SEMA3A: variants seen among roughly 807,000 people sequenced by gnomAD.
The protein encoded by SEMA3A is semaphorin 3A.
SEMA3A carries 29 observed loss-of-function variants against 97.9 expected under a neutral mutation model. The observed-to-expected ratio is 0.30, with a 90% confidence interval of 0.22 to 0.40. The LOEUF (loss-of-function observed/expected upper bound fraction) is 0.40. Among genes scored for constraint, SEMA3A ranks in the 10% least tolerant of loss-of-function variants. The pLI is 1.00. For missense variants in SEMA3A, 763 were observed against 951.3 expected (o/e 0.80, Z 2.60); for synonymous variants, 321 against 323.7 (o/e 0.99, Z 0.09).
chr7:84,164,634 A>C (rs1475227703), intron 1 of SEMA3A, among the ~76,000 whole-genome samples: 1 of 152,170 alleles, frequency 6.6e-6, no homozygotes, highest in Non-Finnish European at 1.5e-5. Context: ...GGTAGATATT[A>C]TTATTATTTC....
intron 2 of SEMA3A, among the ~76,000 whole-genome samples, chr7:84,360,786 C>T (rs1393926582): frequency 6.6e-6 from 1 of 151,850 alleles, no homozygotes; most frequent in Non-Finnish European, 1.5e-5. Context: ...TTAAAACCTA[C>T]ATTTTTTATT....
chr7:84,471,022 G>C (rs1047159341), intron 1 of SEMA3A, among the ~76,000 whole-genome samples: 6 of 152,028 alleles, frequency 3.9e-5, no homozygotes, highest in African/African-American at 1.4e-4. Context: ...TTTCCAAAAA[G>C]CAAATACACT....
intron 2 of SEMA3A, among the ~76,000 whole-genome samples, chr7:84,131,459 C>T (rs1259774571): frequency 6.6e-6 from 1 of 152,144 alleles, no homozygotes; most frequent in Non-Finnish European, 1.5e-5. Context: ...GGCCCACTTA[C>T]ACATGTTATA....
intron 1 of SEMA3A, among the ~76,000 whole-genome samples, chr7:84,394,810 A>T (rs963211430): frequency 5.9e-5 from 9 of 152,184 alleles, no homozygotes; most frequent in African/African-American, 1.9e-4. Flanking sequence ...TAAAAGAGCT[A>T]CATAAAATGT....
intron 2 of SEMA3A, among the ~76,000 whole-genome samples, chr7:84,357,706 G>A (rs902628938): frequency 5.3e-5 from 8 of 151,718 alleles, no homozygotes; most frequent in African/African-American, 1.9e-4. Context: ...CTGAGGAATC[G>A]CCACACTGTC....
At chr7:84,450,769 G>A (rs1805534861) in intron 1 of SEMA3A, among the ~76,000 whole-genome samples, 1 of 152,210 alleles carries the variant, frequency 6.6e-6, no homozygotes, top group South Asian at 2.1e-4. Context: ...TCGTGATGTT[G>A]AACATCTTTT....
At chr7:84,382,724 A>C (rs1360248147) in intron 1 of SEMA3A, among the ~76,000 whole-genome samples, 5 of 140,790 alleles carry the variant, frequency 3.6e-5, no homozygotes, top group Admixed American at 2.1e-4. Flanking sequence ...AAAAAAAAAA[A>C]AAAAATAGCC....
At chr7:84,255,982 A>G (rs1198378529) in intron 3 of SEMA3A, among the ~76,000 whole-genome samples, 1 of 151,646 alleles carries the variant, frequency 6.6e-6, no homozygotes, top group African/African-American at 2.4e-5. Context: ...ATAAAATATA[A>G]TATATAATTA....
intron 1 of SEMA3A, among the ~76,000 whole-genome samples, chr7:84,436,540 CTTTCTTT>C (rs1268275419): frequency 2.0e-5 from 3 of 152,100 alleles, no homozygotes; most frequent in African/African-American, 7.2e-5. Context: ...GGGCCAAAGT[CTTTCTTT>C]TATTCTTTGT....
chr7:84,139,096 C>T (rs2116063695), intron 1 of SEMA3A, among the ~76,000 whole-genome samples: 1 of 152,180 alleles, frequency 6.6e-6, no homozygotes, highest in African/African-American at 2.4e-5. Flanking sequence ...ATGTATCTTA[C>T]AATGACATAA....
intron 1 of SEMA3A, among the ~76,000 whole-genome samples, chr7:84,432,892 T>C (rs1805021533): frequency 6.6e-6 from 1 of 151,614 alleles, no homozygotes; most frequent in Non-Finnish European, 1.5e-5. Context: ...AACAATTTAT[T>C]TTCTTTAGGG....
At chr7:83,963,715 GTATTA>G (rs2116256650) in intron 15 of SEMA3A, among the ~76,000 whole-genome samples, 1 of 152,206 alleles carries the variant, frequency 6.6e-6, no homozygotes, top group East Asian at 1.9e-4. Flanking sequence ...GGGCCAGTTT[GTATTA>G]TATTATTCTG....
At chr7:84,203,372 C>A (rs534144875) in intron 3 of SEMA3A, among the ~76,000 whole-genome samples, 1 of 149,854 alleles carries the variant, frequency 6.7e-6, no homozygotes, top group African/African-American at 2.4e-5. Flanking sequence ...GAATTTGGCA[C>A]AGAATAAAGC....
chr7:84,424,500 T>A (rs1276908576), intron 1 of SEMA3A, among the ~76,000 whole-genome samples: 1 of 101,660 alleles, frequency 9.8e-6, no homozygotes, highest in Non-Finnish European at 1.7e-5. Context: ...ATATAATATA[T>A]AATATATAAA....
At chr7:84,321,667 G>A (rs1801646991) in intron 2 of SEMA3A, among the ~76,000 whole-genome samples, 2 of 151,872 alleles carry the variant, frequency 1.3e-5, no homozygotes, top group Admixed American at 1.3e-4. Flanking sequence ...ATGGGGTCAG[G>A]AGATCGAAAC....
intron 6 of SEMA3A, among the ~76,000 whole-genome samples, chr7:84,022,967 G>C (rs1379671191): frequency 6.6e-6 from 1 of 152,098 alleles, no homozygotes; most frequent in African/African-American, 2.4e-5. Context: ...AGCAATAAAC[G>C]CTGAGTAAAT....
At chr7:84,000,739 A>G (rs566417169) in intron 12 of SEMA3A, among the ~76,000 whole-genome samples, 1 of 152,306 alleles carries the variant, frequency 6.6e-6, no homozygotes, top group African/African-American at 2.4e-5. Context: ...CTATGCTACA[A>G]TTCACCAGTT....
Position 84,364,693 on chromosome 7 carries a change from T to C in SEMA3A, c.-169+7131A>G, listed in dbSNP as rs75962052. Reference sequence around the variant, plus strand: ...CACTTTATTTCAATTAATTATAGATTAGAGGCAAAATTTATTTTATAAGAA... The same window carrying C: ...CACTTTATTTCAATTAATTATAGATCAGAGGCAAAATTTATTTTATAAGAA... On this transcript the variant is annotated intron_variant, in intron 2 of 3. Coordinates refer to the SEMA3A transcript ENST00000424555. Among the ~76,000 whole-genome samples the C allele has an allele frequency of 2.5e-3, 387 of 151,802 alleles. 13 individuals are homozygous for C. The East Asian group carries it at 0.057, about 22-fold the overall frequency.
chr7:84,380,564 G>T (rs888798697), intron 1 of SEMA3A, among the ~76,000 whole-genome samples: 1 of 152,120 alleles, frequency 6.6e-6, no homozygotes, highest in African/African-American at 2.4e-5. Context: ...TTCAAGAAAA[G>T]TGAATGGAGT....
Sources: allele counts gnomAD v4.1 joint callset (sites outside exome capture counted in the v4.1 genomes callset), GRCh38; gene constraint gnomAD v4.1.1; transcripts MANE v1.5; gene names NCBI Gene and HGNC (gene_info 2026-07-23, HGNC 2026-07-21).